The following ADGRB3 variants were observed in gnomAD, a reference collection of about 807,000 sequenced individuals.
ADGRB3 encodes the protein adhesion G protein-coupled receptor B3, also known as brain-specific angiogenesis inhibitor 3.
A neutral mutation model predicts 193.4 loss-of-function variants in ADGRB3; 37 were observed. The ratio of observed to expected loss-of-function variants is 0.19; its 90% CI spans 0.15 to 0.25. The LOEUF is 0.25. Among genes scored for constraint, ADGRB3 ranks in the 10% least tolerant of loss-of-function variants. The pLI is 1.00. For missense variants in ADGRB3, 1,637 were observed against 1,852.9 expected, an observed-to-expected ratio of 0.88 and a Z score of 2.14; for synonymous variants, 690 against 644.2, an observed-to-expected ratio of 1.07 and a Z score of -1.08.
At chr6:68,950,699 A>C (rs1039023358) in intron 6 of ADGRB3, among the ~76,000 whole-genome samples, 13 of 152,140 alleles carry the variant, frequency 8.5e-5, no homozygotes, top group Admixed American at 3.9e-4. Flanking sequence ...CCTACCACAA[A>C]CCTGCCAGCT....
chr6:68,805,442 C>T (rs1452906432), intron 3 of ADGRB3, among the ~76,000 whole-genome samples: 11 of 152,116 alleles, frequency 7.2e-5, no homozygotes, highest in East Asian at 1.9e-4. Context: ...TGAGCTTCAT[C>T]CTGCTTAGTG....
chr6:69,113,215 A>G (rs1470579750), intron 17 of ADGRB3, among the ~76,000 whole-genome samples: 2 of 152,072 alleles, frequency 1.3e-5, no homozygotes, highest in Non-Finnish European at 2.9e-5. Context: ...ACATATGTAT[A>G]TGTACAATAT....
chr6:69,380,297 G>A (rs1769919768), intron 30 of ADGRB3, among the ~76,000 whole-genome samples: 1 of 151,890 alleles, frequency 6.6e-6, no homozygotes, highest in Admixed American at 6.6e-5. Context: ...GAGAATAGTA[G>A]GAATATCAAT....
chr6:69,212,333 C>T (rs1765684476), intron 17 of ADGRB3, among the ~76,000 whole-genome samples: 1 of 152,058 alleles, frequency 6.6e-6, no homozygotes, highest in African/African-American at 2.4e-5. Context: ...GTTCAATTAG[C>T]CTGAAATAGG....
chr6:69,189,490 G>T (rs1000026209), intron 17 of ADGRB3, among the ~76,000 whole-genome samples: 1 of 152,092 alleles, frequency 6.6e-6, no homozygotes, highest in Admixed American at 6.5e-5. Context: ...TTTTATTATT[G>T]TTTGTTAAAA....
At chr6:68,955,482 A>G (rs1768047336) in intron 6 of ADGRB3, among the ~76,000 whole-genome samples, 1 of 152,220 alleles carries the variant, frequency 6.6e-6, no homozygotes, top group African/African-American at 2.4e-5. Flanking sequence ...TTTTGAAGAA[A>G]TAAGTGAATC....
chr6:69,231,818 A>T (rs780350812), intron 17 of ADGRB3, among the ~76,000 whole-genome samples: 1 of 152,196 alleles, frequency 6.6e-6, no homozygotes, highest in Non-Finnish European at 1.5e-5. Flanking sequence ...TTCTTCAAAA[A>T]AGTTGTAATT....
intron 3 of ADGRB3, among the ~76,000 whole-genome samples, chr6:68,852,796 T>G (rs2127391580): frequency 6.6e-6 from 1 of 152,152 alleles, no homozygotes; most frequent in East Asian, 1.9e-4. Flanking sequence ...ACTAGATAAC[T>G]AATTTAGTTG....
chr6:68,753,874 A>G (rs1766249953), intron 3 of ADGRB3, among the ~76,000 whole-genome samples: 1 of 152,136 alleles, frequency 6.6e-6, no homozygotes, highest in Non-Finnish European at 1.5e-5. Flanking sequence ...TTTCTAGACT[A>G]TTGATATGCA....
At chr6:68,724,128 T>A (rs1449869730) in intron 3 of ADGRB3, among the ~76,000 whole-genome samples, 3 of 151,570 alleles carry the variant, frequency 2.0e-5, no homozygotes, top group Admixed American at 6.6e-5. Flanking sequence ...GTGGAAAGAT[T>A]GTTTTTATAC....
chr6:69,303,787 A>G (rs1290841082), intron 20 of ADGRB3, among the ~76,000 whole-genome samples: 1 of 151,994 alleles, frequency 6.6e-6, no homozygotes, highest in Non-Finnish European at 1.5e-5. Context: ...TTTCAGTGGA[A>G]TGTCTGGGGA....
At chr6:68,752,637 TGA>T (rs1215373535) in intron 3 of ADGRB3, among the ~76,000 whole-genome samples, 1 of 152,144 alleles carries the variant, frequency 6.6e-6, no homozygotes. Context: ...GTACATAGAC[TGA>T]ATCAAGACAA....
chr6:69,256,799 C>T (rs1766784009), intron 20 of ADGRB3, among the ~76,000 whole-genome samples: 1 of 152,182 alleles, frequency 6.6e-6, no homozygotes, highest in African/African-American at 2.4e-5. Flanking sequence ...AAAGGGAATG[C>T]TTCCAGTTTT....
At chr6:68,725,405 C>A (rs544093425) in intron 3 of ADGRB3, among the ~76,000 whole-genome samples, 2 of 151,680 alleles carry the variant, frequency 1.3e-5, no homozygotes, top group East Asian at 3.9e-4. Context: ...ATGATAGAAG[C>A]TAATTAGGAG....
chr6:68,915,814 G>A (rs908702013), intron 3 of ADGRB3, among the ~76,000 whole-genome samples: 3 of 151,896 alleles, frequency 2.0e-5, no homozygotes, highest in Non-Finnish European at 2.9e-5. Context: ...GGCACATACC[G>A]CACAGGTGTA....
intron 3 of ADGRB3, among the ~76,000 whole-genome samples, chr6:68,672,164 G>A (rs1186097128): frequency 6.7e-6 from 1 of 149,198 alleles, no homozygotes; most frequent in Non-Finnish European, 1.5e-5. Context: ...TTTTTTCTTA[G>A]TCTGGCTAAA....
At chr6:68,754,885 T>A (rs1766269941) in intron 3 of ADGRB3, among the ~76,000 whole-genome samples, 1 of 152,142 alleles carries the variant, frequency 6.6e-6, no homozygotes, top group African/African-American at 2.4e-5. Flanking sequence ...GGGGAATTTC[T>A]TGAGCAAGGA....
At chr6:68,696,140 A>G (rs1466655833) in intron 3 of ADGRB3, among the ~76,000 whole-genome samples, 1 of 151,974 alleles carries the variant, frequency 6.6e-6, no homozygotes, top group Admixed American at 6.6e-5. Flanking sequence ...AGCTTTTGTG[A>G]TCCGAATTAG....
chr6:69,139,459 T>C (rs9342742), intron 17 of ADGRB3, among the ~76,000 whole-genome samples: 97,223 of 152,126 alleles, frequency 0.64, 32,313 homozygotes, highest in East Asian at 0.95. Context: ...AATAAAGACA[T>C]GTATCTGTTG....
Sources: gnomAD v4.1 joint callset for allele counts (sites outside exome capture counted in the v4.1 genomes callset) on GRCh38, gnomAD v4.1.1 for gene constraint, MANE v1.5 for transcripts, NCBI Gene and HGNC (gene_info 2026-07-23, HGNC 2026-07-21) for gene names.